PADI1: variants seen among roughly 807,000 people sequenced by gnomAD.
The protein encoded by PADI1 is peptidyl arginine deiminase 1, also known as protein-arginine deiminase type-1.
PADI1 carries 65 observed loss-of-function variants against 74.8 expected under a neutral mutation model. The observed-to-expected ratio is 0.87, with a 90% CI of 0.71 to 1.07. The LOEUF is 1.07. Ranked by LOEUF, PADI1 falls within the 50% of genes least tolerant of loss-of-function variation. PADI1 has a pLI of 0.00. For missense variants in PADI1, 943 were observed against 854.0 expected (o/e 1.10, Z -1.30); for synonymous variants, 371 against 336.2 (o/e 1.10, Z -1.13).
intron 1 of PADI1, among the ~76,000 whole-genome samples, chr1:17,213,728 G>A (rs1360825280): frequency 6.6e-6 from 1 of 152,176 alleles, no homozygotes; most frequent in Non-Finnish European, 1.5e-5. Context: ...CTCTTTCCCT[G>A]CCCCACTAGA....
chr1:17,229,653 C>A (rs924168573), intron 8 of PADI1, among the ~76,000 whole-genome samples: 5 of 152,226 alleles, frequency 3.3e-5, no homozygotes, highest in African/African-American at 1.2e-4. Flanking sequence ...TGCTCTGCTT[C>A]CCCGGGTCTA....
chr1:17,237,421 A>G lies in PADI1; in HGVS notation c.1421A>G (p.Asp474Gly), dbSNP rs2072671612. 4.3e-6 allele frequency: 7 copies of G among 1,613,378 alleles called. No individual in the cohort carries two copies. The highest frequency in any genetic ancestry group is 5.9e-6 in the Non-Finnish European group (7 of 1,179,618). Reference sequence around the variant, plus strand: ...GACTGGCTCTCTGTGGGCCATGTGGACGAGTTTCTGACCTTTGTGCCTACC... The same window carrying G: ...GACTGGCTCTCTGTGGGCCATGTGGGCGAGTTTCTGACCTTTGTGCCTACC... ...YSDWLSVGHV[D>G]EFLTFVPTSD... The change falls in exon 12 of 16, where the codon GAC becomes GGC. Residue 474 changes from aspartate (D) to glycine (G), a missense_variant. Physicochemically the swap from Asp to Gly is moderately conservative, Grantham distance 94 (BLOSUM62 -1). Transcript: ENST00000375471.
chr1:17,206,513 T>A (rs4244378), intron 1 of PADI1, among the ~76,000 whole-genome samples: 1 of 151,832 alleles, frequency 6.6e-6, no homozygotes, highest in Non-Finnish European at 1.5e-5. Flanking sequence ...CCATTGTCTC[T>A]TGCCCTGTTA....
At chr1:17,215,968 G>A (rs1187627992) in intron 1 of PADI1, among the ~76,000 whole-genome samples, 2 of 152,216 alleles carry the variant, frequency 1.3e-5, no homozygotes, top group Non-Finnish European at 2.9e-5. Context: ...CACGCCATTT[G>A]CAACAGGCAA....
chr1:17,212,543 C>A (rs2071861858), intron 1 of PADI1, among the ~76,000 whole-genome samples: 1 of 152,206 alleles, frequency 6.6e-6, no homozygotes, highest in Non-Finnish European at 1.5e-5. Context: ...TCTCTTCTCC[C>A]TAGAGACCAG....
chr1:17,213,796 A>G (rs1413361616), intron 1 of PADI1, among the ~76,000 whole-genome samples: 4 of 152,224 alleles, frequency 2.6e-5, no homozygotes, highest in Admixed American at 6.5e-5. Context: ...ACCTTACCAC[A>G]GGAGGCGGGC....
intron 2 of PADI1, among the ~76,000 whole-genome samples, chr1:17,222,705 C>T (rs989340921): frequency 2.0e-5 from 3 of 152,202 alleles, no homozygotes; most frequent in African/African-American, 7.2e-5. Context: ...CCACAAAACA[C>T]AAGCTCTCCT....
intron 1 of PADI1, among the ~76,000 whole-genome samples, chr1:17,209,765 C>T (rs1159485470): frequency 6.6e-6 from 1 of 152,210 alleles, no homozygotes; most frequent in Non-Finnish European, 1.5e-5. Flanking sequence ...AGTCACTTAG[C>T]ATCTCTGAGC....
Position 17,228,674 on chromosome 1 carries a change from G to C in PADI1, c.702G>C (p.Leu234=). 10 of 1,614,138 alleles carry C rather than the reference G, an allele frequency of 6.2e-6. No individual in the cohort carries two copies. The highest frequency in any genetic ancestry group is 8.5e-6 in the Non-Finnish European group (10 of 1,179,998). ...DYKQVLGPQC[L]SYEVERQPGE... ...AACAGGTGCTGGGGCCCCAGTGTCT[G>C]TCCTATGAAGTTGAGCGACAGCCAG... is the stretch of plus-strand genomic sequence containing the variant. The change falls in exon 7 of 16, where the codon CTG becomes CTC. Residue 234 remains leucine, a synonymous_variant. Transcript: ENST00000375471.
chr1:17,226,260 A>C, intron 6 of PADI1, 102 bp downstream of exon 6: 11 of 1,314,966 alleles, frequency 8.4e-6, no homozygotes, highest in Non-Finnish European at 9.6e-6. Flanking sequence ...TGTAACTCTC[A>C]TTACAGCTTA....
In PADI1 at chr1:17,239,781, C is replaced by T. The variant is rs1158081890; in HGVS notation, c.1630C>T (p.Gln544Ter). 6.2e-7 allele frequency: 1 copy of T among 1,611,352 alleles called. No individual in the cohort carries two copies. ...RHLQRDNLHA[Q>*]KCIDWNRNVL... ...CCTCCAGAGAGACAATCTTCATGCACAGGTGAGAGGCAGGACCACCAGCTG... is the reference window on the plus strand; with the variant it reads ...CCTCCAGAGAGACAATCTTCATGCATAGGTGAGAGGCAGGACCACCAGCTG... The change falls in exon 14 of 16, where the codon CAG (glutamine) becomes TAG (stop). Residue 544 changes from glutamine to a stop codon, truncating the protein, a stop_gained and splice_region_variant. Coordinates refer to ENST00000375471, the MANE Select transcript of PADI1 (RefSeq NM_013358.3). LOFTEE classifies it high-confidence loss of function.
chr1:17,239,643 G>C (rs1297556887), intron 13 of PADI1, 61 bp from the exon 14 acceptor site: 2 of 1,259,472 alleles, frequency 1.6e-6, no homozygotes, highest in Non-Finnish European at 2.3e-6. Flanking sequence ...TGTAGCCCCA[G>C]GCTGAAGACG....
Position 17,222,388 on chromosome 1 carries a change from G to A in PADI1, c.191G>A (p.Gly64Asp). The change falls in exon 2 of 16, where the codon GGC (glycine) becomes GAC (aspartate). Residue 64 changes from glycine (G) to aspartate (D), a missense_variant. Transcript: ENST00000375471. ...YNRTRVKEPI[G>D]KARWPLDTDA... ...CGCACACGTGTGAAAGAGCCCATAG[G>A]CAAGGCCCGTTGGCCGCTAGACACT... is the stretch of plus-strand genomic sequence containing the variant. 2 of 1,614,060 alleles carry A rather than the reference G, an allele frequency of 1.2e-6. No homozygotes were observed. Among genetic ancestry groups the A allele is most frequent in the Non-Finnish European group, 1.7e-6 (2 of 1,179,918 alleles).
chr1:17,209,240 C>T (rs941487689), intron 1 of PADI1, among the ~76,000 whole-genome samples: 1 of 152,160 alleles, frequency 6.6e-6, no homozygotes, highest in Non-Finnish European at 1.5e-5. Context: ...TTCCAGCGAC[C>T]GACAGGCTGC....
intron 11 of PADI1, among the ~76,000 whole-genome samples, chr1:17,235,737 T>G (rs367849991): frequency 6.6e-5 from 10 of 152,216 alleles, no homozygotes; most frequent in African/African-American, 2.4e-4. Context: ...CTTTGCTCCC[T>G]TCTCTGTCCC....
intron 14 of PADI1, chr1:17,240,287 T>C: frequency 4.1e-6 from 1 of 246,822 alleles, no homozygotes; most frequent in South Asian, 6.8e-5. Flanking sequence ...CCTTACCCCT[T>C]CCCGGTAGTG....
At chr1:17,226,548 A>T (rs1379265640) in intron 6 of PADI1, among the ~76,000 whole-genome samples, 1 of 152,186 alleles carries the variant, frequency 6.6e-6, no homozygotes, top group Admixed American at 6.5e-5. Context: ...AGAACCAGTG[A>T]GGCTGAGGCC....
intron 1 of PADI1, among the ~76,000 whole-genome samples, chr1:17,207,397 C>T (rs1164133834): frequency 3.9e-5 from 6 of 152,196 alleles, no homozygotes; most frequent in African/African-American, 9.7e-5. Context: ...GCTGCACTTC[C>T]GAGCCTCAGT....
intron 1 of PADI1, 108 bp from the exon 2 acceptor site, chr1:17,222,182 G>T (rs1557460812): frequency 6.9e-6 from 5 of 729,292 alleles, no homozygotes; most frequent in Non-Finnish European, 1.2e-5. Context: ...GACTGTTGAG[G>T]GGTGCCATTT....
Sources: allele counts gnomAD v4.1 joint callset (sites outside exome capture counted in the v4.1 genomes callset), GRCh38; gene constraint gnomAD v4.1.1; transcripts MANE v1.5; gene names NCBI Gene and HGNC (gene_info 2026-07-23, HGNC 2026-07-21).